The following SHPRH variants were observed in gnomAD, a reference collection of about 807,000 sequenced individuals.
SHPRH encodes SNF2 histone linker PHD RING helicase, also known as E3 ubiquitin-protein ligase SHPRH.
SHPRH carries 106 observed loss-of-function variants against 202.5 expected under a neutral mutation model. The observed-to-expected ratio is 0.52, with a 90% confidence interval of 0.45 to 0.62. SHPRH has a LOEUF of 0.62. Among genes scored for constraint, SHPRH ranks in the 20% least tolerant of loss-of-function variants. The pLI is 0.00. For missense variants in SHPRH, 1,710 were observed against 2,020.0 expected (o/e 0.85, Z 2.94); for synonymous variants, 729 against 686.0 (o/e 1.06, Z -0.98).
At position 145,955,275 on chromosome 6, in the gene SHPRH, T is replaced by C. The variant is rs1362840709; in HGVS notation, c.48A>G (p.Glu16=). 1 of 1,610,820 alleles carries C rather than the reference T, an allele frequency of 6.2e-7. No homozygotes were observed. The highest frequency in any genetic ancestry group is 1.3e-5 in the African/African-American group (1 of 74,898). The change falls in exon 2 of 30, where the codon GAA becomes GAG. Residue 16 remains glutamate (E), a synonymous_variant. Transcript: ENST00000275233. ...KRAPPVRVDE[E]KRQQLHWNMH... ...TATTCCAATGAAGCTGCTGCCTCTT[T>C]TCCTCATCTACCCTCACTGGAGGAG... is the stretch of plus-strand genomic sequence containing the variant.
intron 27 of SHPRH, 35 bp downstream of exon 27, chr6:145,894,115 T>C (rs201708269): frequency 8.6e-6 from 13 of 1,518,354 alleles, no homozygotes; most frequent in East Asian, 2.3e-5. Context: ...TGCAACTGTA[T>C]CCACTACAAA....
At chr6:145,921,603 C>T (rs996114839) in intron 20 of SHPRH, among the ~76,000 whole-genome samples, 3 of 151,546 alleles carry the variant, frequency 2.0e-5, no homozygotes, top group African/African-American at 4.8e-5. Flanking sequence ...GATTCATTTG[C>T]CATAACAACA....
At chr6:145,919,217 C>T in intron 22 of SHPRH, 131 bp downstream of exon 22, 1 of 1,307,556 alleles carries the variant, frequency 7.6e-7, no homozygotes, top group Non-Finnish European at 1.0e-6. Flanking sequence ...TTCTATGGGT[C>T]AAATTAAAAA....
intron 1 of SHPRH, 57 bp from the exon 2 acceptor site, chr6:145,955,411 G>T (rs546020169): frequency 1.4e-6 from 2 of 1,446,054 alleles, no homozygotes; most frequent in South Asian, 2.8e-5. Flanking sequence ...GTATTTAAGG[G>T]TTACCAGATG....
chr6:145,954,625 T>G, intron 2 of SHPRH, 65 bp downstream of exon 2: 1 of 1,492,048 alleles, frequency 6.7e-7, no homozygotes, highest in Non-Finnish European at 9.0e-7. Context: ...CTCTCACAAG[T>G]TAATTTAAAA....
chr6:145,922,663 C>A lies in SHPRH; in HGVS notation c.3719G>T (p.Cys1240Phe). Residue 1240 changes from cysteine to phenylalanine, a missense_variant and splice_region_variant, in exon 19 of 30, where the codon TGC (cysteine) becomes TTC (phenylalanine). Coordinates refer to ENST00000275233, the MANE Select transcript of SHPRH (RefSeq NM_001042683.3). ...TTGTATGATTTCTTCTATTACCTAC[C>A]AGTTGAGAGGAAGTCTGGCTGGTCG... is the stretch of plus-strand genomic sequence containing the variant. ...HLRPARLPLN[C>F]CVFCKADELF... The A allele has an allele frequency of 6.3e-7, 1 of 1,596,506 alleles. No homozygotes were observed. The highest frequency in any genetic ancestry group is 8.5e-7 in the Non-Finnish European group (1 of 1,173,668).
At chr6:145,910,663 G>A (rs760851572) in intron 24 of SHPRH, 27 bp from the exon 25 acceptor site, 2 of 1,525,116 alleles carry the variant, frequency 1.3e-6, no homozygotes, top group East Asian at 2.3e-5. Flanking sequence ...ACAAGCCTTA[G>A]TGCTATCAAA....
intron 4 of SHPRH, 53 bp from the exon 5 acceptor site, chr6:145,948,403 T>C (rs2128793707): frequency 2.2e-6 from 3 of 1,370,134 alleles, no homozygotes; most frequent in Non-Finnish European, 3.1e-6. Context: ...TTCAGTCAGA[T>C]AATCACATTA....
In SHPRH at chr6:145,935,388, A is replaced by C. The variant is rs1216578716; in HGVS notation, c.2623T>G (p.Trp875Gly). 1 of 1,613,942 alleles carries C rather than the reference A, an allele frequency of 6.2e-7. No individual in the cohort carries two copies. Among genetic ancestry groups the C allele is most frequent in the African/African-American group, 1.3e-5 (1 of 74,892 alleles). The stretch of plus-strand genomic sequence containing the variant: ...GGCCGATAGAGAAGTCGAACCCACC[A>C]GTGTTTGACACAGTAAGGTTCAATA... ...LGIEPYCVKH[W>G]WVRLLYRPYC... Residue 875 changes from tryptophan to glycine, a missense_variant, in exon 12 of 30, where the codon TGG becomes GGG. By Grantham distance (184) the Trp-to-Gly change is radical (BLOSUM62 -2). Transcript: ENST00000275233.
At chr6:145,954,365 T>C (rs1339747452) in intron 2 of SHPRH, among the ~76,000 whole-genome samples, 1 of 152,028 alleles carries the variant, frequency 6.6e-6, no homozygotes, top group Non-Finnish European at 1.5e-5. Flanking sequence ...CATTCAATCA[T>C]ACAATTCCAG....
the SHPRH span, among the ~76,000 whole-genome samples, chr6:145,858,354 A>G: frequency 6.6e-6 from 1 of 152,168 alleles, no homozygotes; most frequent in East Asian, 1.9e-4. Context: ...TGGTGTGGCC[A>G]TAAATGGAAA....
In SHPRH at chr6:145,894,227, C is replaced by A; in HGVS notation, c.4618G>T (p.Val1540Leu). ...KALVFSTWQD[V>L]LDIISKALTD... ...AGAGCTTTTGAAATAATATCTAATA[C>A]ATCTTGCCACTAGAACACATAAAAC... Residue 1540 changes from valine to leucine, a missense_variant, in exon 27 of 30, where the codon GTA (valine) becomes TTA (leucine). By Grantham distance (32) the Val-to-Leu change is conservative (BLOSUM62 1). Coordinates refer to ENST00000275233, the MANE Select transcript of SHPRH (RefSeq NM_001042683.3). 1 of 1,599,436 alleles carries A rather than the reference C, an allele frequency of 6.3e-7. No individual in the cohort carries two copies. Among genetic ancestry groups the A allele is most frequent in the Non-Finnish European group, 8.5e-7 (1 of 1,173,898 alleles).
downstream of SHPRH, among the ~76,000 whole-genome samples, chr6:145,882,967 G>A (rs1258970961): frequency 2.0e-5 from 3 of 152,246 alleles, no homozygotes; most frequent in South Asian, 2.1e-4. Context: ...CCCATAGGTC[G>A]AAAATGTGTC....
chr6:145,923,186 G>A (rs980900592), intron 18 of SHPRH, among the ~76,000 whole-genome samples: 2 of 151,770 alleles, frequency 1.3e-5, no homozygotes, highest in Non-Finnish European at 2.9e-5. Flanking sequence ...TGCTCTATAT[G>A]AGGAGGTGCC....
At chr6:145,956,252 G>GA (rs924965246) in intron 1 of SHPRH, among the ~76,000 whole-genome samples, 90 of 152,074 alleles carry the variant, frequency 5.9e-4, no homozygotes, top group African/African-American at 2.0e-3. Flanking sequence ...AAAACTTTTT[G>GA]AAAAAATCAT....
At position 145,935,291 on chromosome 6, in the gene SHPRH, T is replaced by C. The variant is rs1785949229; in HGVS notation, c.2720A>G (p.Asp907Gly). The C allele has an allele frequency of 1.9e-6, 3 of 1,614,054 alleles. No homozygotes were observed. The highest frequency in any genetic ancestry group is 4.5e-5 in the East Asian group (2 of 44,852). Residue 907 changes from aspartate to glycine, a missense_variant, in exon 12 of 30, where the codon GAT becomes GGT. By Grantham distance (94) the Asp-to-Gly change is moderately conservative. This residue lies in a region of SHPRH where 277 missense variants were observed against 363.0 expected (regional missense o/e 0.76). Coordinates refer to ENST00000275233, the MANE Select transcript of SHPRH (RefSeq NM_001042683.3). ...AKILWRSAKKDVIDQIQIPPQ... is the reference protein window; with the variant it reads ...AKILWRSAKKGVIDQIQIPPQ... ...TATTGTACTGACTTGGTCAATCACATCTTTCTTTGCAGACCTCCACAGTAT... is the reference window on the plus strand; with the variant it reads ...TATTGTACTGACTTGGTCAATCACACCTTTCTTTGCAGACCTCCACAGTAT...
intron 23 of SHPRH, among the ~76,000 whole-genome samples, chr6:145,913,888 A>C (rs1383445552): frequency 6.6e-6 from 1 of 152,166 alleles, no homozygotes; most frequent in Non-Finnish European, 1.5e-5. Context: ...GGAGCATTTC[A>C]GGTAACAGAT....
At chr6:145,940,926 T>G in intron 10 of SHPRH, 125 bp from the exon 11 acceptor site, 1 of 835,352 alleles carries the variant, frequency 1.2e-6, no homozygotes, top group Non-Finnish European at 1.9e-6. Context: ...GTACCTACTT[T>G]TATTTAACAG....
At chr6:145,858,029 C>G in the SHPRH span, among the ~76,000 whole-genome samples, 1 of 152,146 alleles carries the variant, frequency 6.6e-6, no homozygotes, top group Admixed American at 6.5e-5. Context: ...CACTATAGCC[C>G]TAGTAGAATG....
Sources: gnomAD v4.1 joint callset for allele counts (sites outside exome capture counted in the v4.1 genomes callset) on GRCh38, gnomAD v4.1.1 for gene constraint, gnomAD v4.1.1 regional missense constraint, MANE v1.5 for transcripts, NCBI Gene and HGNC (gene_info 2026-07-23, HGNC 2026-07-21) for gene names.